The following ASIC2 variants were observed in gnomAD, a reference collection of about 807,000 sequenced individuals.
ASIC2 encodes acid sensing ion channel subunit 2.
Under a neutral mutation model 57.3 loss-of-function variants are expected in ASIC2, and 25 were observed. That is an observed-to-expected ratio of 0.44 (90% CI 0.32 to 0.61). ASIC2 has a LOEUF of 0.61. Ranked by LOEUF, ASIC2 falls within the 20% of genes least tolerant of loss-of-function variation. ASIC2 has a pLI of 0.06. For synonymous variants in ASIC2, 319 were observed against 307.5 expected (o/e 1.04, Z -0.39); for missense variants, 641 against 738.1 (o/e 0.87, Z 1.52).
chr17:33,225,420 G>T (rs1907840763), intron 1 of ASIC2, among the ~76,000 whole-genome samples: 2 of 152,220 alleles, frequency 1.3e-5, no homozygotes, highest in Admixed American at 6.5e-5. Context: ...TTATTGCAAG[G>T]ATTAGTATGT....
intron 1 of ASIC2, among the ~76,000 whole-genome samples, chr17:33,449,801 G>C (rs1376583376): frequency 6.6e-6 from 1 of 150,906 alleles, no homozygotes; most frequent in Non-Finnish European, 1.5e-5. Flanking sequence ...TTGAGACAGA[G>C]TCTCACTCTG....
intron 1 of ASIC2, among the ~76,000 whole-genome samples, chr17:33,260,922 A>T (rs1909256232): frequency 6.6e-6 from 1 of 152,186 alleles, no homozygotes; most frequent in African/African-American, 2.4e-5. Flanking sequence ...TTGCCAGGTG[A>T]TTGCTCTTCG....
chr17:34,055,514 C>T (rs1167629664), intron 1 of ASIC2, among the ~76,000 whole-genome samples: 2 of 152,140 alleles, frequency 1.3e-5, no homozygotes, highest in Non-Finnish European at 2.9e-5. Context: ...ACATATTCAT[C>T]TTCCCAGAAA....
chr17:33,531,351 A>T (rs1394905119), intron 1 of ASIC2, among the ~76,000 whole-genome samples: 1 of 152,224 alleles, frequency 6.6e-6, no homozygotes, highest in African/African-American at 2.4e-5. Context: ...AGCTGCCTTT[A>T]TCTGTACCGA....
At chr17:34,087,179 G>A (rs557602953) in intron 1 of ASIC2, among the ~76,000 whole-genome samples, 37 of 151,950 alleles carry the variant, frequency 2.4e-4, no homozygotes, top group East Asian at 9.7e-4. Flanking sequence ...GGCTGGTACC[G>A]GTTGTTCCTT....
At chr17:33,599,502 C>T (rs530763581) in intron 1 of ASIC2, among the ~76,000 whole-genome samples, 4 of 152,318 alleles carry the variant, frequency 2.6e-5, no homozygotes, top group African/African-American at 9.6e-5. Flanking sequence ...AGGTCTGGGG[C>T]TCAGAACTAC....
chr17:33,827,780 C>T (rs898859940), intron 1 of ASIC2: 1 of 152,042 alleles, frequency 6.6e-6, no homozygotes, highest in Non-Finnish European at 1.5e-5. Flanking sequence ...CACAGATATA[C>T]ATGTACCATG....
intron 1 of ASIC2, among the ~76,000 whole-genome samples, chr17:33,543,030 G>A (rs1216974701): frequency 1.2e-3 from 182 of 149,856 alleles, no homozygotes; most frequent in Non-Finnish European, 2.1e-3. Context: ...GTAAACTATC[G>A]CAAGAACAAA....
At chr17:33,025,794 G>T in intron 5 of ASIC2, 132 bp downstream of exon 5, 2 of 853,776 alleles carry the variant, frequency 2.3e-6, no homozygotes, top group South Asian at 2.3e-5. Context: ...AACTCCACCC[G>T]ACCAGCCCCT....
chr17:33,052,807 C>T (rs1379004784), intron 3 of ASIC2: 1 of 152,230 alleles, frequency 6.6e-6, no homozygotes, highest in Admixed American at 6.5e-5. Flanking sequence ...TCACCTTCTT[C>T]CTAGGCTGAC....
chr17:33,448,166 T>G (rs1773175488), intron 1 of ASIC2, among the ~76,000 whole-genome samples: 1 of 152,184 alleles, frequency 6.6e-6, no homozygotes, highest in Non-Finnish European at 1.5e-5. Flanking sequence ...TCTTGCCTCC[T>G]ACGTCTCTTT....
In ASIC2 at chr17:33,285,927, G is replaced by A. The variant is rs113452824; in HGVS notation, c.708+5481C>T. ...TTGTCCTTCACTCAAAATTCTCACC[G>A]CAAGTCATAATAATGGAAATAGCTC... is the stretch of plus-strand genomic sequence containing the variant. On this transcript the variant is annotated intron_variant, in intron 1 of 9. Coordinates refer to ENST00000225823, the MANE Select transcript of ASIC2 (RefSeq NM_183377.2). Among the ~76,000 whole-genome samples, 86 of 152,296 alleles carry A rather than the reference G, an allele frequency of 5.6e-4. 1 individual carries two copies. Among genetic ancestry groups the A allele is most frequent in the African/African-American group, 1.3e-3 (53 of 41,568 alleles).
intron 1 of ASIC2, among the ~76,000 whole-genome samples, chr17:34,013,173 G>A (rs1906833330): frequency 6.6e-6 from 1 of 152,200 alleles, no homozygotes; most frequent in Non-Finnish European, 1.5e-5. Flanking sequence ...ACTGGCAGTG[G>A]AATCCTGGGG....
At chr17:33,324,212 G>C (rs930712027) in intron 1 of ASIC2, among the ~76,000 whole-genome samples, 1 of 152,174 alleles carries the variant, frequency 6.6e-6, no homozygotes, top group African/African-American at 2.4e-5. Context: ...TTTTCCCTCA[G>C]AGAAGACCTC....
chr17:33,129,672 G>A (rs1037550400), intron 1 of ASIC2, among the ~76,000 whole-genome samples: 2 of 152,174 alleles, frequency 1.3e-5, no homozygotes, highest in African/African-American at 2.4e-5. Context: ...ACCCTGTATG[G>A]CAGATGCATC....
chr17:33,494,759 C>T (rs1483093608), intron 1 of ASIC2, among the ~76,000 whole-genome samples: 4 of 152,200 alleles, frequency 2.6e-5, no homozygotes. Flanking sequence ...GCATTCTGAA[C>T]TCCGCTTTCT....
intron 1 of ASIC2, chr17:33,792,216 GTGGTGGAGC>G (rs1911794399): frequency 6.6e-6 from 1 of 152,304 alleles, no homozygotes; most frequent in South Asian, 2.1e-4. Context: ...CCAGTGGGTA[GTGGTGGAGC>G]TGGTCTTGGC....
At chr17:33,411,814 G>A (rs1004579411) in intron 1 of ASIC2, among the ~76,000 whole-genome samples, 2 of 152,186 alleles carry the variant, frequency 1.3e-5, no homozygotes, top group Non-Finnish European at 2.9e-5. Context: ...CTTCCTCATT[G>A]TGAAATTGGA....
At chr17:33,202,982 C>T (rs950837028) in intron 1 of ASIC2, among the ~76,000 whole-genome samples, 4 of 152,200 alleles carry the variant, frequency 2.6e-5, no homozygotes, top group African/African-American at 4.8e-5. Context: ...GCACTTCAAA[C>T]GCCAGAGAGA....
Sources: gnomAD v4.1 joint callset for allele counts (sites outside exome capture counted in the v4.1 genomes callset) on GRCh38, gnomAD v4.1.1 for gene constraint, MANE v1.5 for transcripts, NCBI Gene and HGNC (gene_info 2026-07-23, HGNC 2026-07-21) for gene names.